The following RFTN2 variants were observed in gnomAD, a reference collection of about 807,000 sequenced individuals.
RFTN2 encodes raftlin-2.
A neutral mutation model predicts 52.7 loss-of-function variants in RFTN2; 34 were observed. That is an observed-to-expected ratio of 0.64 (90% confidence interval 0.49 to 0.86). The LOEUF is 0.86. Ranked by LOEUF, RFTN2 falls within the 40% of genes least tolerant of loss-of-function variation. The pLI is 0.00. For missense variants in RFTN2, 536 were observed against 600.1 expected, an observed-to-expected ratio of 0.89 and a Z score of 1.12; for synonymous variants, 203 against 217.7, an observed-to-expected ratio of 0.93 and a Z score of 0.59.
At chr2:197,647,792 A>G (rs1257619054) in intron 1 of RFTN2, among the ~76,000 whole-genome samples, 1 of 152,218 alleles carries the variant, frequency 6.6e-6, no homozygotes, top group Admixed American at 6.5e-5. Flanking sequence ...TTGATTTGCA[A>G]TTAAACCATT....
At chr2:197,634,039 AT>A (rs746657463) in intron 3 of RFTN2, 42 bp from the exon 4 acceptor site, 1 of 1,485,656 alleles carries the variant, frequency 6.7e-7, no homozygotes, top group Admixed American at 1.9e-5. Flanking sequence ...TGTAAACTCT[AT>A]TTTCATTGAT....
In RFTN2 at chr2:197,665,194, T is replaced by TG. The variant is rs372169946; in HGVS notation, c.139+10125dup. On this transcript the variant is annotated intron_variant, in intron 1 of 8. Coordinates refer to ENST00000295049, the MANE Select transcript of RFTN2 (RefSeq NM_144629.3). ...AAGTTACTAATCAGGGAAATGGTGG[T>TG]GGGGGGAGCAGTGAAGAGATATGAG... is the stretch of plus-strand genomic sequence containing the variant. Among the ~76,000 whole-genome samples the TG allele has an allele frequency of 9.0e-3, 1,368 of 152,204 alleles. 14 individuals are homozygous for TG. The highest frequency in any genetic ancestry group is 0.041 in the South Asian group (199 of 4,806).
intron 1 of RFTN2, among the ~76,000 whole-genome samples, chr2:197,646,989 A>G (rs2106252996): frequency 6.6e-6 from 1 of 152,238 alleles, no homozygotes; most frequent in South Asian, 2.1e-4. Context: ...TCATTTCAGA[A>G]AAAAGGAAAA....
At position 197,635,247 on chromosome 2, in the gene RFTN2, T is replaced by C. The variant is rs1282719874; in HGVS notation, c.439-1250A>G. ...CATGATTTATAGTCCTTTGGGTATA[T>C]ACCCAGTAATGGGATGGCTGGGTCA... On this transcript the variant is annotated intron_variant, in intron 3 of 8. Coordinates refer to ENST00000295049, the MANE Select transcript of RFTN2 (RefSeq NM_144629.3). Among the ~76,000 whole-genome samples the C allele has an allele frequency of 5.3e-5, 8 of 152,300 alleles. No homozygotes were observed. In the East Asian group the frequency reaches 1.5e-3, roughly 29 times the overall value.
chr2:197,637,798 T>A (rs1022521075), intron 3 of RFTN2, among the ~76,000 whole-genome samples: 1 of 151,836 alleles, frequency 6.6e-6, no homozygotes, highest in South Asian at 2.1e-4. Context: ...ATGTGTTTGC[T>A]CTTGCTTTTC....
chr2:197,573,079 C>T (rs574639663), intron 8 of RFTN2, among the ~76,000 whole-genome samples: 42 of 139,384 alleles, frequency 3.0e-4, no homozygotes, highest in African/African-American at 1.2e-3. Flanking sequence ...CAGACTAATA[C>T]AGTAAATTGG....
At chr2:197,641,533 A>G (rs946033369) in intron 3 of RFTN2, among the ~76,000 whole-genome samples, 3 of 152,180 alleles carry the variant, frequency 2.0e-5, no homozygotes, top group South Asian at 4.1e-4. Context: ...ACTTTTTTCT[A>G]TTACTAGGAA....
intron 3 of RFTN2, among the ~76,000 whole-genome samples, chr2:197,637,028 A>G (rs1420303353): frequency 1.3e-5 from 2 of 151,754 alleles, no homozygotes; most frequent in Non-Finnish European, 2.9e-5. Context: ...CTCTGTTTAT[A>G]TGCTGGATTA....
chr2:197,576,183 T>C (rs1382860065), intron 8 of RFTN2, among the ~76,000 whole-genome samples: 1 of 151,912 alleles, frequency 6.6e-6, no homozygotes, highest in East Asian at 1.9e-4. Flanking sequence ...AATTTTTGTG[T>C]TATTAGTAGA....
intron 1 of RFTN2, among the ~76,000 whole-genome samples, chr2:197,663,425 T>C (rs2089006073): frequency 6.6e-6 from 1 of 152,236 alleles, no homozygotes; most frequent in East Asian, 1.9e-4. Context: ...AATGTGGTAG[T>C]GAATCTGTCC....
At position 197,646,558 on chromosome 2, in the gene RFTN2, A is replaced by G. The variant is rs773207293; in HGVS notation, c.248T>C (p.Ile83Thr). The change falls in exon 2 of 9, where the codon ATA becomes ACA. Residue 83 changes from isoleucine to threonine, a missense_variant. Physicochemically the swap from Ile to Thr is moderately conservative, Grantham distance 89. Coordinates refer to ENST00000295049, the MANE Select transcript of RFTN2 (RefSeq NM_144629.3). ...GTGTTTTCGCTGCCCCACAGGTTGT[A>G]TAACAGGATGAATAGCCCCGACAAT... The part of the protein sequence containing the change: ...GYIVGAIHPV[I>T]QPVGQRKHLP... The G allele has an allele frequency of 6.2e-6, 10 of 1,614,006 alleles. No homozygotes were observed. Among genetic ancestry groups the G allele is most frequent in the Non-Finnish European group, 7.6e-6 (9 of 1,179,854 alleles).
chr2:197,573,114 G>A (rs114883263), intron 8 of RFTN2, among the ~76,000 whole-genome samples: 1,769 of 151,746 alleles, frequency 0.012, 16 homozygotes, highest in South Asian at 0.023. Context: ...CGGGGGTGGG[G>A]GGTGCTATAA....
chr2:197,646,897 CAAAAAAA>C lies in RFTN2; in HGVS notation c.140-238_140-232del, dbSNP rs35611096. 4.3e-3 allele frequency among the ~76,000 whole-genome samples: 378 copies of C among 88,262 alleles called. 3 individuals carry two copies. The highest frequency in any genetic ancestry group is 6.4e-3 in the Non-Finnish European group (316 of 49,314). 57.9% of individuals were successfully genotyped at this position (88,262 alleles called of 152,430 possible). ...GGAACATAGTAGGACATTGTCTCTA[CAAAAAAA>C]AAAAAAAAAAAAAAAACTCCAATGG... is the stretch of plus-strand genomic sequence containing the variant. On this transcript the variant is annotated intron_variant, in intron 1 of 8. Coordinates refer to ENST00000295049, the MANE Select transcript of RFTN2 (RefSeq NM_144629.3).
intron 8 of RFTN2, among the ~76,000 whole-genome samples, chr2:197,591,502 A>G (rs2087712676): frequency 6.6e-6 from 1 of 152,194 alleles, no homozygotes; most frequent in African/African-American, 2.4e-5. Context: ...CCCAGTGGAT[A>G]CTGCACTGGG....
intron 8 of RFTN2, among the ~76,000 whole-genome samples, chr2:197,580,692 AG>A (rs1382781328): frequency 1.3e-5 from 2 of 152,158 alleles, no homozygotes; most frequent in Non-Finnish European, 2.9e-5. Flanking sequence ...ATCAATATGG[AG>A]GCTACCCACT....
At chr2:197,667,402 A>G (rs2089077351) in intron 1 of RFTN2, among the ~76,000 whole-genome samples, 1 of 152,088 alleles carries the variant, frequency 6.6e-6, no homozygotes, top group Non-Finnish European at 1.5e-5. Flanking sequence ...GCTTCCTTAG[A>G]GTTAATAATT....
At chr2:197,629,675 TACAC>T (rs60384360) in intron 5 of RFTN2, among the ~76,000 whole-genome samples, 10 of 146,510 alleles carry the variant, frequency 6.8e-5, no homozygotes, top group African/African-American at 1.8e-4. Context: ...TTAATTTTTA[TACAC>T]ACACACACAC....
intron 7 of RFTN2, among the ~76,000 whole-genome samples, chr2:197,610,365 T>A (rs2088036260): frequency 6.6e-6 from 1 of 152,226 alleles, no homozygotes; most frequent in Non-Finnish European, 1.5e-5. Flanking sequence ...GGTATTTTAT[T>A]CTCTTTGTAG....
chr2:197,629,704 T>A (rs1394395905), intron 5 of RFTN2, among the ~76,000 whole-genome samples: 5 of 109,152 alleles, frequency 4.6e-5, no homozygotes, highest in African/African-American at 1.2e-4. Context: ...ACACACATAT[T>A]TATTTTATTT....
Sources: gnomAD v4.1 joint callset for allele counts (sites outside exome capture counted in the v4.1 genomes callset) on GRCh38, gnomAD v4.1.1 for gene constraint, MANE v1.5 for transcripts, NCBI Gene and HGNC (gene_info 2026-07-23, HGNC 2026-07-21) for gene names.